ST8SIA2: variants seen among roughly 807,000 people sequenced by gnomAD.
ST8SIA2 encodes alpha-2,8-sialyltransferase 8B.
A neutral mutation model predicts 37.6 loss-of-function variants in ST8SIA2; 22 were observed. The observed-to-expected ratio is 0.58, with a 90% CI of 0.42 to 0.83. The LOEUF (loss-of-function observed/expected upper bound fraction) is 0.83, where lower values mean the gene tolerates loss of function less well. ST8SIA2 is among the 40% of genes least tolerant of loss of function. The pLI is 0.00. For synonymous variants in ST8SIA2, 205 were observed against 201.2 expected (o/e 1.02, Z -0.16); for missense variants, 382 against 484.7 (o/e 0.79, Z 1.99).
Position 92,464,381 on chromosome 15 carries a change from C to A in ST8SIA2, c.1124C>A (p.Thr375Lys). ...ACTGTCGGCCAGTGCGATGGGGCCACGTAGGGTGGGCACCCCATGGGACTC... is the reference window on the plus strand; with the variant it reads ...ACTGTCGGCCAGTGCGATGGGGCCAAGTAGGGTGGGCACCCCATGGGACTC... ...KLTVGQCDGA[T>K] Residue 375 changes from threonine to lysine, a missense_variant, in exon 6 of 6, where the codon ACG (threonine) becomes AAG (lysine). Transcript: ENST00000268164. The A allele has an allele frequency of 6.2e-7, 1 of 1,613,394 alleles. No individual in the cohort carries two copies. Among genetic ancestry groups the A allele is most frequent in the Non-Finnish European group, 8.5e-7 (1 of 1,180,026 alleles).
At chr15:92,448,941 G>T (rs567656526) in intron 5 of ST8SIA2, among the ~76,000 whole-genome samples, 5 of 152,198 alleles carry the variant, frequency 3.3e-5, no homozygotes, top group Non-Finnish European at 5.9e-5. Context: ...GGGTATGTGG[G>T]GGGGGGTGTG....
At chr15:92,437,748 G>C (rs958700564) in intron 3 of ST8SIA2, among the ~76,000 whole-genome samples, 14 of 152,170 alleles carry the variant, frequency 9.2e-5, no homozygotes, top group Admixed American at 9.2e-4. Context: ...AAGAAAATGG[G>C]CCGGTAAGGA....
At chr15:92,443,913 G>A (rs566544500) in intron 4 of ST8SIA2, among the ~76,000 whole-genome samples, 132 of 152,190 alleles carry the variant, frequency 8.7e-4, no homozygotes, top group African/African-American at 2.9e-3. Context: ...TATTTTTAAC[G>A]AGCGCCTGGG....
At chr15:92,445,380 G>A (rs2049834837) in intron 5 of ST8SIA2, among the ~76,000 whole-genome samples, 1 of 152,196 alleles carries the variant, frequency 6.6e-6, no homozygotes, top group Admixed American at 6.5e-5. Flanking sequence ...AGTGGGAATG[G>A]TAACATTGGA....
At chr15:92,430,582 G>A (rs896446617) in intron 2 of ST8SIA2, among the ~76,000 whole-genome samples, 11 of 152,176 alleles carry the variant, frequency 7.2e-5, no homozygotes, top group South Asian at 2.1e-4. Context: ...ATTATTGAAC[G>A]TACGCTCCAA....
chr15:92,462,366 A>G (rs1331270031), intron 5 of ST8SIA2, among the ~76,000 whole-genome samples: 1 of 152,194 alleles, frequency 6.6e-6, no homozygotes, highest in African/African-American at 2.4e-5. Flanking sequence ...ACCTCCTACA[A>G]ACACACAAAC....
chr15:92,462,435 A>G (rs746013215), intron 5 of ST8SIA2, among the ~76,000 whole-genome samples: 2 of 152,186 alleles, frequency 1.3e-5, no homozygotes, highest in Non-Finnish European at 2.9e-5. Flanking sequence ...TATGAGCTGC[A>G]AAAGGAACAA....
rs913258169 is a variant in ST8SIA2, at chr15:92,457,061, A to T, written c.843-7039A>T. 2.6e-5 allele frequency among the ~76,000 whole-genome samples: 4 copies of T among 152,304 alleles called. No homozygotes were observed. The South Asian group carries it at 8.3e-4, about 32-fold the overall frequency. ...CCTCAACAGTGTTCCCAAAGAAAGG[A>T]CAGCCGTGGGCTGTAGGGCCCCTGG... On this transcript the variant is annotated intron_variant, in intron 5 of 5. Transcript: ENST00000268164.
In ST8SIA2 at chr15:92,464,572, G is replaced by A; in HGVS notation, c.*187G>A. On this transcript the variant is annotated 3_prime_UTR_variant, in exon 6 of 6. Coordinates refer to ENST00000268164, the MANE Select transcript of ST8SIA2 (RefSeq NM_006011.4). The stretch of plus-strand genomic sequence containing the variant: ...TATATTGACCTGAGTATTTATAACT[G>A]TGTGGTGTTCATCTAGCATTAGGCA... 3.0e-6 allele frequency: 2 copies of A among 675,654 alleles called. No individual in the cohort carries two copies. The highest frequency in any genetic ancestry group is 1.8e-5 in the African/African-American group (1 of 55,772). 41.9% of individuals were successfully genotyped at this position (675,654 alleles called of 1,614,324 possible). A position where few individuals can be genotyped will look rare whatever the true frequency, so the allele number is the denominator to read the frequency against.
At chr15:92,438,232 T>C (rs2049773719) in intron 3 of ST8SIA2, 121 bp from the exon 4 acceptor site, 2 of 1,430,350 alleles carry the variant, frequency 1.4e-6, no homozygotes, top group Non-Finnish European at 2.0e-6. Context: ...ACTCTCATCA[T>C]ACTCTGCGTG....
intron 1 of ST8SIA2, among the ~76,000 whole-genome samples, chr15:92,405,363 A>G (rs2049500438): frequency 1.3e-5 from 2 of 152,258 alleles, no homozygotes; most frequent in Non-Finnish European, 2.9e-5. Context: ...ATAAAGTTTC[A>G]GTTTTGCAAG....
intron 1 of ST8SIA2, among the ~76,000 whole-genome samples, chr15:92,396,516 C>T (rs772723976): frequency 2.9e-4 from 43 of 147,880 alleles, no homozygotes; most frequent in African/African-American, 7.8e-4. Flanking sequence ...TTTTTTGAGA[C>T]GGAGTCTCAT....
rs2049981659 is a variant in ST8SIA2 at position 92,464,876 on chromosome 15, G to A, written c.*491G>A. 5.7e-6 allele frequency: 1 copy of A among 175,776 alleles called. No individual in the cohort carries two copies. The highest frequency in any genetic ancestry group is 1.2e-5 in the Non-Finnish European group (1 of 82,176). The allele number at this position is 175,776 out of a possible 1,614,324, so 10.9% of individuals were successfully genotyped here. A position where few individuals can be genotyped will look rare whatever the true frequency, so the allele number is the denominator to read the frequency against. ...AAGTGGGTGCCATTCACGGAGGAGA[G>A]GGAGGTTGGAGACTTCAACCGGGCA... On this transcript the variant is annotated 3_prime_UTR_variant, in exon 6 of 6. Coordinates refer to ENST00000268164, the MANE Select transcript of ST8SIA2 (RefSeq NM_006011.4).
chr15:92,394,874 A>G (rs1469941539), intron 1 of ST8SIA2, among the ~76,000 whole-genome samples: 3 of 152,148 alleles, frequency 2.0e-5, no homozygotes, highest in Admixed American at 1.3e-4. Flanking sequence ...AGACGGAGAC[A>G]TTTCGGGAAA....
At chr15:92,448,935 A>G (rs1051806636) in intron 5 of ST8SIA2, among the ~76,000 whole-genome samples, 2 of 150,996 alleles carry the variant, frequency 1.3e-5, no homozygotes, top group African/African-American at 2.5e-5. Context: ...TTTATAGGGT[A>G]TGTGGGGGGG....
chr15:92,456,148 G>C (rs1201777101), intron 5 of ST8SIA2, among the ~76,000 whole-genome samples: 1 of 152,272 alleles, frequency 6.6e-6, no homozygotes, highest in Non-Finnish European at 1.5e-5. Flanking sequence ...GGCATGAGCA[G>C]TAGTCTCACC....
At chr15:92,420,174 T>C (rs1476322420) in intron 1 of ST8SIA2, among the ~76,000 whole-genome samples, 1 of 152,216 alleles carries the variant, frequency 6.6e-6, no homozygotes, top group East Asian at 1.9e-4. Context: ...CAGAAGTCTG[T>C]ATTTTAAAGG....
chr15:92,403,281 G>T (rs1183559867), intron 1 of ST8SIA2, among the ~76,000 whole-genome samples: 1 of 152,080 alleles, frequency 6.6e-6, no homozygotes, highest in African/African-American at 2.4e-5. Flanking sequence ...GGTCCATCTG[G>T]TCTTAGCCAC....
chr15:92,447,858 C>T (rs897606296), intron 5 of ST8SIA2, among the ~76,000 whole-genome samples: 1 of 152,186 alleles, frequency 6.6e-6, no homozygotes, highest in Non-Finnish European at 1.5e-5. Context: ...CACTTCATCC[C>T]TGTCAGAGTA....
Sources: allele counts gnomAD v4.1 joint callset (sites outside exome capture counted in the v4.1 genomes callset), GRCh38; gene constraint gnomAD v4.1.1; transcripts MANE v1.5; gene names NCBI Gene and HGNC (gene_info 2026-07-23, HGNC 2026-07-21).